The following SLC16A12 variants were observed in gnomAD, a reference collection of about 807,000 sequenced individuals.
The protein encoded by SLC16A12 is solute carrier family 16 member 12.
Under a neutral mutation model 42.4 loss-of-function variants are expected in SLC16A12, and 17 were observed. The observed-to-expected ratio is 0.40, with a 90% CI of 0.27 to 0.60. The LOEUF (loss-of-function observed/expected upper bound fraction) is 0.60. SLC16A12 is among the 20% of genes least tolerant of loss of function. SLC16A12 has a pLI of 0.42. For synonymous variants in SLC16A12, 224 were observed against 229.4 expected, an observed-to-expected ratio of 0.98 and a Z score of 0.21; for missense variants, 544 against 623.0, an observed-to-expected ratio of 0.87 and a Z score of 1.35.
At chr10:89,539,533 G>T (rs1843698933), upstream of SLC16A12, among the ~76,000 whole-genome samples, 1 of 152,140 alleles carries the variant, frequency 6.6e-6, no homozygotes, top group Non-Finnish European at 1.5e-5. Context: ...ATTATGAAAA[G>T]AATTGTTTGT....
intron 2 of SLC16A12, among the ~76,000 whole-genome samples, chr10:89,481,882 C>T (rs1842669377): frequency 6.6e-6 from 1 of 152,024 alleles, no homozygotes; most frequent in Non-Finnish European, 1.5e-5. Context: ...GCATTTCAGG[C>T]TCGCATGAGG....
At chr10:89,498,487 A>G (rs1842953981) in intron 2 of SLC16A12, among the ~76,000 whole-genome samples, 1 of 152,210 alleles carries the variant, frequency 6.6e-6, no homozygotes, top group South Asian at 2.1e-4. Flanking sequence ...AAAACAACAA[A>G]TGGTTGACCT....
At chr10:89,454,146 C>T (rs1298104499) in intron 3 of SLC16A12, among the ~76,000 whole-genome samples, 2 of 152,036 alleles carry the variant, frequency 1.3e-5, no homozygotes, top group East Asian at 3.9e-4. Flanking sequence ...CTACCTCAGC[C>T]TCTCCAATAG....
intron 3 of SLC16A12, among the ~76,000 whole-genome samples, chr10:89,449,536 G>T (rs779816734): frequency 2.2e-4 from 34 of 152,170 alleles, no homozygotes; most frequent in Non-Finnish European, 3.8e-4. Context: ...AAATGGTACT[G>T]GGAAAACTGG....
chr10:89,547,720 G>A (rs1843749399), intron 2 of SLC16A12, among the ~76,000 whole-genome samples: 1 of 152,184 alleles, frequency 6.6e-6, no homozygotes, highest in African/African-American at 2.4e-5. Context: ...GTGGAGGCCA[G>A]GCACAGTGGC....
intron 2 of SLC16A12, among the ~76,000 whole-genome samples, chr10:89,509,978 C>T (rs1017413340): frequency 1.3e-5 from 2 of 152,146 alleles, no homozygotes; most frequent in African/African-American, 4.8e-5. Flanking sequence ...GAGTGAACTC[C>T]CATTCACAAT....
chr10:89,470,596 G>A (rs989070186), intron 2 of SLC16A12, among the ~76,000 whole-genome samples: 9 of 152,338 alleles, frequency 5.9e-5, no homozygotes, highest in African/African-American at 9.6e-5. Context: ...ATGGCAAAGG[G>A]AAGAGGGATT....
At chr10:89,453,891 A>T (rs1842135202) in intron 3 of SLC16A12, among the ~76,000 whole-genome samples, 1 of 152,032 alleles carries the variant, frequency 6.6e-6, no homozygotes, top group Admixed American at 6.5e-5. Flanking sequence ...GTCTCCAAAC[A>T]TTGCTAAATG....
upstream of SLC16A12, among the ~76,000 whole-genome samples, chr10:89,538,843 T>C (rs1463883388): frequency 6.6e-6 from 1 of 152,202 alleles, no homozygotes; most frequent in African/African-American, 2.4e-5. Flanking sequence ...AACTTTCTCC[T>C]AAGACCATGT....
At chr10:89,532,460 T>A (rs1183749988) in intron 2 of SLC16A12, among the ~76,000 whole-genome samples, 1 of 152,230 alleles carries the variant, frequency 6.6e-6, no homozygotes, top group African/African-American at 2.4e-5. Flanking sequence ...AAAATCTTTC[T>A]GTTCAAAATC....
chr10:89,489,389 G>A (rs1005933951), intron 2 of SLC16A12, among the ~76,000 whole-genome samples: 1 of 151,818 alleles, frequency 6.6e-6, no homozygotes, highest in East Asian at 1.9e-4. Context: ...ACCCAGGCTG[G>A]AGTGCAATGG....
chr10:89,554,451 T>G (rs1202728613), intron 2 of SLC16A12, among the ~76,000 whole-genome samples: 1 of 152,220 alleles, frequency 6.6e-6, no homozygotes, highest in Non-Finnish European at 1.5e-5. Flanking sequence ...ACAGGAGACC[T>G]CATCTACATC....
intron 2 of SLC16A12, among the ~76,000 whole-genome samples, chr10:89,510,080 A>G (rs1843139466): frequency 6.6e-6 from 1 of 152,240 alleles, no homozygotes; most frequent in African/African-American, 2.4e-5. Context: ...CAATGAAATA[A>G]AAGAGGACAC....
chr10:89,536,026 G>C (rs1404252865), upstream of SLC16A12, among the ~76,000 whole-genome samples: 1 of 152,250 alleles, frequency 6.6e-6, no homozygotes, highest in Non-Finnish European at 1.5e-5. Context: ...TTGGCTAGGG[G>C]CGAGGGGCGC....
intron 2 of SLC16A12, among the ~76,000 whole-genome samples, chr10:89,484,575 A>C (rs1842719542): frequency 6.6e-6 from 1 of 152,092 alleles, no homozygotes; most frequent in African/African-American, 2.4e-5. Flanking sequence ...TAGGTGAGGA[A>C]ATGAGGCAAA....
At chr10:89,468,597 G>A (rs1249410299) in intron 2 of SLC16A12, among the ~76,000 whole-genome samples, 2 of 152,202 alleles carry the variant, frequency 1.3e-5, no homozygotes, top group African/African-American at 4.8e-5. Flanking sequence ...AAGCCGACAA[G>A]GTTATCACAA....
chr10:89,493,435 C>T (rs997031869), intron 2 of SLC16A12, among the ~76,000 whole-genome samples: 3 of 152,182 alleles, frequency 2.0e-5, no homozygotes, highest in African/African-American at 7.2e-5. Flanking sequence ...GGCGGTCAGG[C>T]TGGTCTTGAA....
At chr10:89,435,471 A>G (rs1428726070) in intron 7 of SLC16A12, among the ~76,000 whole-genome samples, 2 of 152,218 alleles carry the variant, frequency 1.3e-5, no homozygotes, top group African/African-American at 4.8e-5. Flanking sequence ...GGCGTTTATC[A>G]GCTGCCTCCT....
rs189271134 is a variant in SLC16A12, at chr10:89,478,944, C to G, written c.-46-16320G>C. 2.3e-3 allele frequency among the ~76,000 whole-genome samples: 349 copies of G among 152,296 alleles called. 3 individuals are homozygous for G. The highest frequency in any genetic ancestry group is 1.6e-3 in the Non-Finnish European group (111 of 68,028). On this transcript the variant is annotated intron_variant, in intron 2 of 7. Transcript: ENST00000371790. ...TGTAATCCCTTTCACATCTGCCCTC[C>G]CATCTTAATTTTCCATTGCCTTGTT...
Sources: gnomAD v4.1 joint callset for allele counts (sites outside exome capture counted in the v4.1 genomes callset) on GRCh38, gnomAD v4.1.1 for gene constraint, MANE v1.5 for transcripts, NCBI Gene and HGNC (gene_info 2026-07-23, HGNC 2026-07-21) for gene names.